Variants in EXOC4 observed in about 807,000 individuals in gnomAD.
The protein encoded by EXOC4 is exocyst complex component 4.
Under a neutral mutation model 107.2 loss-of-function variants are expected in EXOC4, and 71 were observed. That is an observed-to-expected ratio of 0.66 (90% CI 0.55 to 0.81). EXOC4 has a LOEUF of 0.81. Among genes scored for constraint, EXOC4 ranks in the 30% least tolerant of loss-of-function variants. EXOC4 has a pLI of 0.00. For missense variants in EXOC4, 1,108 were observed against 1,189.6 expected, an observed-to-expected ratio of 0.93 and a Z score of 1.01; for synonymous variants, 456 against 441.2, an observed-to-expected ratio of 1.03 and a Z score of -0.42.
chr7:133,709,645 C>CTTTTTT (rs147956984), intron 10 of EXOC4, among the ~76,000 whole-genome samples: 1 of 118,142 alleles, frequency 8.5e-6, no homozygotes, highest in Non-Finnish European at 1.7e-5. Flanking sequence ...AATCTGTTTT[C>CTTTTTT]TTTTTTTTTT....
At chr7:133,253,532 G>A in intron 1 of EXOC4, 2 of 1,020,924 alleles carry the variant, frequency 2.0e-6, no homozygotes, top group Non-Finnish European at 2.3e-6. Flanking sequence ...TTTATTGTTT[G>A]CCTGTAGCAG....
At chr7:133,569,428 A>G (rs1000317816) in intron 9 of EXOC4, among the ~76,000 whole-genome samples, 1 of 152,206 alleles carries the variant, frequency 6.6e-6, no homozygotes, top group African/African-American at 2.4e-5. Context: ...GTAAGTTGAC[A>G]TAATCTTTAG....
intron 5 of EXOC4, among the ~76,000 whole-genome samples, chr7:133,326,524 A>T (rs895148354): frequency 6.6e-6 from 1 of 152,212 alleles, no homozygotes; most frequent in Non-Finnish European, 1.5e-5. Flanking sequence ...AGAACAGTGA[A>T]TATTGCTGAA....
At chr7:134,057,415 C>G (rs1487920296) in intron 17 of EXOC4, among the ~76,000 whole-genome samples, 1 of 140,268 alleles carries the variant, frequency 7.1e-6, no homozygotes, top group Non-Finnish European at 1.5e-5. Flanking sequence ...CCTAATTGTG[C>G]CACTAACTGT....
intron 7 of EXOC4, among the ~76,000 whole-genome samples, chr7:133,465,164 C>G (rs1242407445): frequency 1.3e-5 from 2 of 151,450 alleles, no homozygotes; most frequent in Non-Finnish European, 2.9e-5. Flanking sequence ...GTTTGGTAGT[C>G]AAAGTTGAAA....
intron 17 of EXOC4, among the ~76,000 whole-genome samples, chr7:134,045,312 T>C (rs536917078): frequency 6.6e-6 from 1 of 152,332 alleles, no homozygotes; most frequent in African/African-American, 2.4e-5. Context: ...TGGAGAAAGT[T>C]CAAAGGCATT....
chr7:133,884,334 C>T (rs181920993), intron 11 of EXOC4, among the ~76,000 whole-genome samples: 3 of 152,186 alleles, frequency 2.0e-5, no homozygotes, highest in Non-Finnish European at 4.4e-5. Context: ...TTACCACCCT[C>T]GCACCAACGA....
chr7:133,464,367 A>G (rs914595346), intron 7 of EXOC4, among the ~76,000 whole-genome samples: 2 of 152,224 alleles, frequency 1.3e-5, no homozygotes, highest in Non-Finnish European at 2.9e-5. Context: ...AGTAGAGTTG[A>G]TTTCAAGCAC....
chr7:133,609,005 T>G (rs1270460893), intron 9 of EXOC4, among the ~76,000 whole-genome samples: 8 of 152,190 alleles, frequency 5.3e-5, no homozygotes, highest in Non-Finnish European at 1.0e-4. Flanking sequence ...GTTCATCTAT[T>G]TTATTTTATT....
chr7:133,502,965 T>G (rs1328998676), intron 9 of EXOC4, among the ~76,000 whole-genome samples: 1 of 152,184 alleles, frequency 6.6e-6, no homozygotes, highest in Non-Finnish European at 1.5e-5. Flanking sequence ...AACCCTCTCT[T>G]CATTGCCCTG....
chr7:133,506,189 TTAATA>T (rs1401940011), intron 9 of EXOC4, among the ~76,000 whole-genome samples: 2 of 152,308 alleles, frequency 1.3e-5, no homozygotes, highest in East Asian at 3.9e-4. Context: ...ATATATTTCT[TTAATA>T]TGATTGTTTT....
chr7:133,664,012 A>G (rs1282292553), intron 10 of EXOC4, among the ~76,000 whole-genome samples: 3 of 152,160 alleles, frequency 2.0e-5, no homozygotes. Flanking sequence ...CCCTCCAGCC[A>G]CACTGGCCTC....
At position 133,958,604 on chromosome 7, in the gene EXOC4, T is replaced by A. The variant is rs533229083; in HGVS notation, c.2206+20535T>A. On this transcript the variant is annotated intron_variant, in intron 14 of 17. Transcript: ENST00000253861. The stretch of plus-strand genomic sequence containing the variant: ...TACTCTGGCACAAAAAACACTGTTA[T>A]ATTCCAGAAGTTCTTTTTTAACCCA... Among the ~76,000 whole-genome samples, 10 of 152,360 alleles carry A rather than the reference T, an allele frequency of 6.6e-5. No individual in the cohort carries two copies. In the South Asian group the frequency reaches 1.4e-3, roughly 22 times the overall value.
chr7:133,917,460 A>G, intron 12 of EXOC4, 123 bp from the exon 13 acceptor site: 1 of 900,742 alleles, frequency 1.1e-6, no homozygotes, highest in South Asian at 2.0e-5. Context: ...AACTTAGATA[A>G]TGGATTATGT....
intron 6 of EXOC4, among the ~76,000 whole-genome samples, chr7:133,371,149 A>G (rs1796368152): frequency 1.3e-5 from 2 of 152,128 alleles, no homozygotes; most frequent in African/African-American, 4.8e-5. Context: ...TTCATTTTTC[A>G]CTGTTTCATG....
In EXOC4 at chr7:133,817,330, T is replaced by C; in HGVS notation, c.1520T>C (p.Ile507Thr). Residue 507 changes from isoleucine to threonine, a missense_variant, in exon 11 of 18, where the codon ATT becomes ACT. Transcript: ENST00000253861. ...TCTTACTGTTTGTCCTCCAGATTTA[T>C]TCAGGAGATTGAGCATGCTCTGGGT... ...TVIFHPLLRF[I>T]QEIEHALGLG... 6.2e-7 allele frequency: 1 copy of C among 1,609,102 alleles called. No individual in the cohort carries two copies. The highest frequency in any genetic ancestry group is 1.1e-5 in the South Asian group (1 of 90,852).
chr7:133,641,889 A>G (rs1372070271), intron 10 of EXOC4, among the ~76,000 whole-genome samples: 1 of 152,222 alleles, frequency 6.6e-6, no homozygotes, highest in Non-Finnish European at 1.5e-5. Flanking sequence ...ATCTAAGTGA[A>G]TCTACAGCTC....
chr7:134,064,432 C>G lies in EXOC4; in HGVS notation c.2829C>G (p.Thr943=). ...HRSQTGVGEL[T]TQNTRLQRLK... ...GCCAGACTGGGGTGGGGGAACTGAC[C>G]ACCCAGAACACGAGGCTGCAGAGGC... Residue 943 remains threonine (T), a synonymous_variant, in exon 18 of 18, where the codon ACC becomes ACG. Coordinates refer to ENST00000253861, the MANE Select transcript of EXOC4 (RefSeq NM_021807.4). The G allele has an allele frequency of 6.2e-7, 1 of 1,608,500 alleles. No individual in the cohort carries two copies. The highest frequency in any genetic ancestry group is 8.5e-7 in the Non-Finnish European group (1 of 1,177,246).
At chr7:133,468,689 G>A (rs76599531) in intron 7 of EXOC4, among the ~76,000 whole-genome samples, 3,389 of 152,156 alleles carry the variant, frequency 0.022, 93 homozygotes, top group African/African-American at 0.067. Flanking sequence ...ACCGGGAGGC[G>A]CCTTCTGGGA....
Sources: allele counts gnomAD v4.1 joint callset (sites outside exome capture counted in the v4.1 genomes callset), GRCh38; gene constraint gnomAD v4.1.1; transcripts MANE v1.5; gene names NCBI Gene and HGNC (gene_info 2026-07-23, HGNC 2026-07-21).